The following LGSN variants were observed in gnomAD, a reference collection of about 807,000 sequenced individuals.
LGSN encodes the protein lengsin.
A neutral mutation model predicts 19.5 loss-of-function variants in LGSN; 21 were observed. The observed-to-expected ratio is 1.07, with a 90% CI of 0.76 to 1.55. LGSN has a LOEUF of 1.55. LGSN is among the 40% of genes most tolerant of loss of function. The pLI is 0.00. For synonymous variants in LGSN, 257 were observed against 215.6 expected, an observed-to-expected ratio of 1.19 and a Z score of -1.68; for missense variants, 673 against 608.5, an observed-to-expected ratio of 1.11 and a Z score of -1.12.
the LGSN span, among the ~76,000 whole-genome samples, chr6:63,431,473 A>G: frequency 3.3e-5 from 5 of 152,220 alleles, no homozygotes; most frequent in African/African-American, 9.7e-5. Flanking sequence ...TCTGCTTCCA[A>G]CTGCAGCAGT....
the LGSN span, among the ~76,000 whole-genome samples, chr6:63,336,374 AT>A: frequency 3.9e-5 from 6 of 152,158 alleles, no homozygotes; most frequent in African/African-American, 1.2e-4. Context: ...CATATAGAGT[AT>A]AAAAATAAAA....
the LGSN span, among the ~76,000 whole-genome samples, chr6:63,566,394 C>T: frequency 6.6e-6 from 1 of 151,994 alleles, no homozygotes; most frequent in African/African-American, 2.4e-5. Context: ...GGCTCAGGGT[C>T]GGGGTCAGTT....
the LGSN span, among the ~76,000 whole-genome samples, chr6:63,357,830 A>G: frequency 6.6e-6 from 1 of 152,058 alleles, no homozygotes; most frequent in Non-Finnish European, 1.5e-5. Flanking sequence ...GAAGCTCTTT[A>G]GTTTAATTAG....
At chr6:63,410,894 C>T in the LGSN span, among the ~76,000 whole-genome samples, 1 of 152,166 alleles carries the variant, frequency 6.6e-6, no homozygotes, top group East Asian at 1.9e-4. Context: ...ATACCACTTC[C>T]TCAGGTCAAA....
At chr6:63,438,514 A>C in the LGSN span, among the ~76,000 whole-genome samples, 1 of 152,178 alleles carries the variant, frequency 6.6e-6, no homozygotes, top group Non-Finnish European at 1.5e-5. Context: ...ACAAGAAAAA[A>C]ACAAACAACC....
chr6:63,299,644 G>A (rs568154889), intron 1 of LGSN, among the ~76,000 whole-genome samples: 2 of 152,222 alleles, frequency 1.3e-5, no homozygotes, highest in South Asian at 4.2e-4. Context: ...ACTAGTAAAT[G>A]AAAAATTTTT....
the LGSN span, among the ~76,000 whole-genome samples, chr6:63,519,584 A>G: frequency 1.3e-5 from 2 of 152,154 alleles, 1 homozygote; most frequent in Non-Finnish European, 2.9e-5. Context: ...TGTTCCATAT[A>G]CTTGGCACAA....
chr6:63,371,112 T>C, the LGSN span, among the ~76,000 whole-genome samples: 1 of 152,272 alleles, frequency 6.6e-6, no homozygotes, highest in Admixed American at 6.5e-5. Flanking sequence ...CATTATCTCT[T>C]TCCCTTTCAG....
At chr6:63,471,998 CA>C in the LGSN span, among the ~76,000 whole-genome samples, 12 of 152,314 alleles carry the variant, frequency 7.9e-5, no homozygotes, top group African/African-American at 2.9e-4. Context: ...CTGTTTTATC[CA>C]GGATTATTTT....
chr6:63,540,350 A>G, the LGSN span, among the ~76,000 whole-genome samples: 1 of 152,054 alleles, frequency 6.6e-6, no homozygotes, highest in Non-Finnish European at 1.5e-5. Context: ...TCCAGGCACA[A>G]TGGGTCACAC....
At chr6:63,487,025 G>A in the LGSN span, among the ~76,000 whole-genome samples, 3 of 151,648 alleles carry the variant, frequency 2.0e-5, no homozygotes, top group South Asian at 4.2e-4. Context: ...TAGTAGAGAT[G>A]GGGTTTCACC....
intron 1 of LGSN, among the ~76,000 whole-genome samples, chr6:63,318,629 T>A (rs1463607722): frequency 6.6e-6 from 1 of 152,142 alleles, no homozygotes; most frequent in Non-Finnish European, 1.5e-5. Context: ...AGTTTAAAAA[T>A]CATATTGTTC....
the LGSN span, among the ~76,000 whole-genome samples, chr6:63,569,698 G>A: frequency 7.9e-5 from 12 of 152,220 alleles, no homozygotes; most frequent in Non-Finnish European, 1.5e-4. Context: ...GTAACTTCCA[G>A]CTGAGAATCT....
intron 1 of LGSN, among the ~76,000 whole-genome samples, chr6:63,312,871 T>C (rs963752316): frequency 6.6e-6 from 1 of 152,028 alleles, no homozygotes; most frequent in Non-Finnish European, 1.5e-5. Flanking sequence ...GAATGAAAAA[T>C]GACAACCACA....
chr6:63,460,411 A>G, the LGSN span, among the ~76,000 whole-genome samples: 6 of 152,130 alleles, frequency 3.9e-5, no homozygotes, highest in Admixed American at 2.0e-4. Context: ...TAACTTTCCT[A>G]ACAGTAGCCA....
At chr6:63,406,072 A>T in the LGSN span, among the ~76,000 whole-genome samples, 1 of 152,178 alleles carries the variant, frequency 6.6e-6, no homozygotes. Flanking sequence ...CCACACAATA[A>T]TAATGGGAGA....
chr6:63,311,605 A>G (rs1768631292), intron 1 of LGSN, among the ~76,000 whole-genome samples: 1 of 152,230 alleles, frequency 6.6e-6, no homozygotes, highest in East Asian at 1.9e-4. Flanking sequence ...TGATTTTAGC[A>G]GAATTCATGC....
the LGSN span, among the ~76,000 whole-genome samples, chr6:63,412,506 GA>G: frequency 2.1e-3 from 197 of 95,380 alleles, 4 homozygotes; most frequent in African/African-American, 9.8e-3. Flanking sequence ...AAGAAAGAAA[GA>G]AAGAAAGAAA....
At chr6:63,540,266 TAGA>T in the LGSN span, among the ~76,000 whole-genome samples, 8 of 126,964 alleles carry the variant, frequency 6.3e-5, no homozygotes, top group Admixed American at 6.2e-4. Context: ...CAGATGTATA[TAGA>T]ATCATAGATA....
Sources: allele counts gnomAD v4.1 joint callset (sites outside exome capture counted in the v4.1 genomes callset), GRCh38; gene constraint gnomAD v4.1.1; transcripts MANE v1.5; gene names NCBI Gene and HGNC (gene_info 2026-07-23, HGNC 2026-07-21).